The following PCNX1 variants were observed in gnomAD, a reference collection of about 807,000 sequenced individuals.
The protein encoded by PCNX1 is pecanex-like protein 1.
PCNX1 carries 78 observed loss-of-function variants against 242.2 expected under a neutral mutation model. That is an observed-to-expected ratio of 0.32 (90% CI 0.27 to 0.39). The LOEUF is 0.39. Ranked by LOEUF, PCNX1 falls within the 10% of genes least tolerant of loss-of-function variation. The probability of loss-of-function intolerance (pLI) is 1.00; values close to 1 mark genes in which losing one functional copy is unlikely to be tolerated. For synonymous variants in PCNX1, 1,024 were observed against 1,032.9 expected (o/e 0.99, Z 0.17); for missense variants, 2,581 against 2,856.5 (o/e 0.90, Z 2.20).
intron 3 of PCNX1, 150 bp downstream of exon 3, chr14:70,962,481 CTTTT>C (rs1299771127): frequency 3.6e-6 from 2 of 553,298 alleles, no homozygotes; most frequent in Non-Finnish European, 6.4e-6. Context: ...TATTAATATT[CTTTT>C]TAAGTTACTT....
chr14:70,984,006 G>C (rs1386282086), intron 6 of PCNX1, among the ~76,000 whole-genome samples: 1 of 151,142 alleles, frequency 6.6e-6, no homozygotes, highest in Non-Finnish European at 1.5e-5. Flanking sequence ...TTTGTTGTTG[G>C]GTAAAATCCC....
rs562781749 is a variant in PCNX1 at position 70,989,935 on chromosome 14, A to G, written c.2444+1236A>G. On this transcript the variant is annotated intron_variant, in intron 7 of 35. Coordinates refer to ENST00000304743, the MANE Select transcript of PCNX1 (RefSeq NM_014982.3). ...GTGTCCCAAAAGTACCATTTTACAA[A>G]TTATTTTCTAGCTACATTTTAATTT... 1.8e-4 allele frequency among the ~76,000 whole-genome samples: 28 copies of G among 152,366 alleles called. No homozygotes were observed. In the South Asian group the frequency reaches 5.2e-3, roughly 28 times the overall value.
chr14:71,035,347 G>A (rs1261427453), intron 18 of PCNX1, among the ~76,000 whole-genome samples: 2 of 152,086 alleles, frequency 1.3e-5, no homozygotes, highest in Non-Finnish European at 2.9e-5. Context: ...TATGTTATAC[G>A]GCATGCAGAA....
rs550199235 is a variant in PCNX1, at chr14:71,033,482, A to G, written c.3612A>G (p.Leu1204=). Residue 1204 remains leucine (L), a synonymous_variant, in exon 17 of 36, where the codon TTA becomes TTG. Coordinates refer to ENST00000304743, the MANE Select transcript of PCNX1 (RefSeq NM_014982.3). Reference sequence around the variant, plus strand: ...TACTTTTCTCCATTTTTTGTGGTTTATTAGTGGCAGTGTCTTACCATCTCA... The same window carrying G: ...TACTTTTCTCCATTTTTTGTGGTTTGTTAGTGGCAGTGTCTTACCATCTCA... ...IPVLFSIFCG[L]LVAVSYHLSR... is the part of the protein sequence containing the mutation. The G allele has an allele frequency of 1.9e-5, 31 of 1,610,824 alleles. No homozygotes were observed. Among genetic ancestry groups the G allele is most frequent in the Non-Finnish European group, 2.5e-5 (29 of 1,177,380 alleles).
chr14:71,006,388 G>A (rs2059668701), intron 8 of PCNX1, among the ~76,000 whole-genome samples: 1 of 151,830 alleles, frequency 6.6e-6, no homozygotes, highest in Non-Finnish European at 1.5e-5. Flanking sequence ...TATTTTGTTA[G>A]AAACTGATTT....
chr14:71,017,071 A>G (rs1447270098), intron 11 of PCNX1, among the ~76,000 whole-genome samples: 1 of 152,222 alleles, frequency 6.6e-6, no homozygotes, highest in African/African-American at 2.4e-5. Context: ...CTCTCCAGGT[A>G]TTAAAAGCAT....
chr14:70,962,727 G>A (rs2058261359), intron 3 of PCNX1, among the ~76,000 whole-genome samples: 1 of 152,136 alleles, frequency 6.6e-6, no homozygotes, highest in Non-Finnish European at 1.5e-5. Context: ...GATGTTTAAT[G>A]GTAAGGCTAA....
intron 3 of PCNX1, among the ~76,000 whole-genome samples, chr14:70,965,828 AC>A (rs1320155216): frequency 6.6e-6 from 1 of 152,128 alleles, no homozygotes; most frequent in Non-Finnish European, 1.5e-5. Flanking sequence ...GTTAGAAGTA[AC>A]CTTTCTTCCC....
chr14:71,003,977 C>A (rs1413824516), intron 8 of PCNX1, among the ~76,000 whole-genome samples: 1 of 152,204 alleles, frequency 6.6e-6, no homozygotes, highest in South Asian at 2.1e-4. Context: ...GACCTGATTT[C>A]CATTGTATCA....
chr14:70,968,950 C>T lies in PCNX1; in HGVS notation c.515-71C>T, dbSNP rs908501493. On this transcript the variant is annotated intron_variant, in intron 4 of 35. Coordinates refer to ENST00000304743, the MANE Select transcript of PCNX1 (RefSeq NM_014982.3). The stretch of plus-strand genomic sequence containing the variant: ...ATTAGTACTCCTTGATGTATTAATA[C>T]TCCTTGGTTATGCCACCCTACAGCC... The T allele has an allele frequency of 1.8e-5, 15 of 838,272 alleles. No homozygotes were observed. The African/African-American group carries it at 2.5e-4, about 14-fold the overall frequency. The allele number at this position is 838,272 out of a possible 1,614,324, so 51.9% of individuals were successfully genotyped here.
chr14:70,989,814 G>C (rs2059110874), intron 7 of PCNX1, among the ~76,000 whole-genome samples: 1 of 152,190 alleles, frequency 6.6e-6, no homozygotes, highest in Admixed American at 6.5e-5. Context: ...TTAGGGGCAT[G>C]AGCCACTGCG....
intron 30 of PCNX1, chr14:71,093,531 A>C (rs893140159): frequency 1.3e-5 from 2 of 152,238 alleles, no homozygotes; most frequent in Non-Finnish European, 2.9e-5. Flanking sequence ...GGGATTATTC[A>C]AGACTGATTT....
At chr14:70,923,443 T>C (rs1474186760) in intron 1 of PCNX1, among the ~76,000 whole-genome samples, 3 of 152,176 alleles carry the variant, frequency 2.0e-5, no homozygotes, top group East Asian at 1.9e-4. Flanking sequence ...TTTTAAAATA[T>C]GGCAATAAAT....
chr14:70,918,508 T>C (rs1322929615), intron 1 of PCNX1, among the ~76,000 whole-genome samples: 1 of 152,180 alleles, frequency 6.6e-6, no homozygotes, highest in African/African-American at 2.4e-5. Flanking sequence ...GTAACAGATA[T>C]AGTAAAGAAA....
chr14:70,935,943 A>T (rs543365623), intron 1 of PCNX1, among the ~76,000 whole-genome samples: 1 of 152,290 alleles, frequency 6.6e-6, no homozygotes, highest in South Asian at 2.1e-4. Flanking sequence ...TCAGATGGAA[A>T]CCAGTGTCAC....
Position 70,969,022 on chromosome 14 carries a change from A to C in PCNX1, c.516A>C (p.Gly172=), listed in dbSNP as rs770814547. The change falls in exon 5 of 36, where the codon GGA becomes GGC. Residue 172 remains glycine, a splice_region_variant and synonymous_variant. Coordinates refer to ENST00000304743, the MANE Select transcript of PCNX1 (RefSeq NM_014982.3). ...CACATGTTTCTCTTAACTTTGTAGG[A>C]GATACAGACACTGCTAAGACTTCTG... The part of the protein sequence containing the change: ...SRLGTAATIK[G]DTDTAKTSDD... 1 of 1,581,736 alleles carries C rather than the reference A, an allele frequency of 6.3e-7. No individual in the cohort carries two copies.
In PCNX1 at chr14:71,109,536, A is replaced by C; in HGVS notation, c.6829A>C (p.Lys2277Gln). ...LQWPDEGIRL[K>Q]AGRNSWKDWS... ...GTGGCCTGATGAAGGAATCCGGTTA[A>C]AAGCTGGGAGAAATAGCTGGAAAGA... is the stretch of plus-strand genomic sequence containing the variant. Residue 2277 changes from lysine (K) to glutamine (Q), a missense_variant, in exon 35 of 36, where the codon AAA becomes CAA. Lys to Gln is a moderately conservative substitution (Grantham distance 53). This residue lies in a region of PCNX1 where 432 missense variants were observed against 433.6 expected (regional missense o/e 1.00). Transcript: ENST00000304743. 1.2e-6 allele frequency: 2 copies of C among 1,614,148 alleles called. No homozygotes were observed. Among genetic ancestry groups the C allele is most frequent in the Non-Finnish European group, 1.7e-6 (2 of 1,180,002 alleles).
intron 19 of PCNX1, among the ~76,000 whole-genome samples, chr14:71,043,692 T>C (rs1455204752): frequency 6.6e-6 from 1 of 152,190 alleles, no homozygotes; most frequent in African/African-American, 2.4e-5. Flanking sequence ...TTATGAAATA[T>C]CTCTTTGTTG....
At chr14:70,948,953 A>G (rs1434111566) in intron 2 of PCNX1, among the ~76,000 whole-genome samples, 2 of 148,140 alleles carry the variant, frequency 1.4e-5, no homozygotes, top group African/African-American at 4.9e-5. Flanking sequence ...ATATACACAT[A>G]CGTATATGTG....
Sources: allele counts gnomAD v4.1 joint callset (sites outside exome capture counted in the v4.1 genomes callset), GRCh38; gene constraint gnomAD v4.1.1; regional missense constraint gnomAD v4.1.1; transcripts MANE v1.5; gene names NCBI Gene and HGNC (gene_info 2026-07-23, HGNC 2026-07-21).